The following KMT2C variants were observed in gnomAD, a reference collection of about 807,000 sequenced individuals.
KMT2C encodes lysine methyltransferase 2C.
KMT2C carries 88 observed loss-of-function variants against 507.9 expected under a neutral mutation model. That is an observed-to-expected ratio of 0.17 (90% CI 0.15 to 0.21). The LOEUF (loss-of-function observed/expected upper bound fraction) is 0.21. Ranked by LOEUF, KMT2C falls within the 10% of genes least tolerant of loss-of-function variation. The pLI, the probability that KMT2C is intolerant of heterozygous loss-of-function variation, is 1.00. For synonymous variants in KMT2C, 2,049 were observed against 2,080.8 expected (o/e 0.98, Z 0.42); for missense variants, 4,954 against 5,957.8 (o/e 0.83, Z 5.55).
chr7:152,318,320 G>A (rs1248308787), intron 3 of KMT2C, among the ~76,000 whole-genome samples: 8 of 151,806 alleles, frequency 5.3e-5, no homozygotes, highest in Non-Finnish European at 7.4e-5. Context: ...ACAATTGGGT[G>A]CAGCTGGGTG....
intron 14 of KMT2C, chr7:152,239,055 T>C (rs565344315): frequency 2.6e-6 from 1 of 386,034 alleles, no homozygotes; most frequent in East Asian, 6.2e-5. Flanking sequence ...TTATTCTGCC[T>C]GAGACATCAC....
At chr7:152,252,763 T>C in intron 9 of KMT2C, 48 bp from the exon 10 acceptor site, 1 of 1,368,114 alleles carries the variant, frequency 7.3e-7, no homozygotes, top group South Asian at 1.3e-5. Context: ...TATGCATTTG[T>C]AATTGTAGTT....
Position 152,182,341 on chromosome 7 carries a change from G to C in KMT2C, c.5519C>G (p.Ser1840Cys), listed in dbSNP as rs748485778. Reference protein sequence around the residue: ...FTKQPPSTPTSTSSDDVFVKP... With the variant: ...FTKQPPSTPTCTSSDDVFVKP... ...TACAAACACATCATCTGAAGATGTA[G>C]ACGTAGGGGTACTGGGTGGCTGTTT... The change falls in exon 36 of 59, where the codon TCT becomes TGT. Residue 1840 changes from serine (S) to cysteine (C), a missense_variant. Transcript: ENST00000262189. 12 of 1,614,068 alleles carry C rather than the reference G, an allele frequency of 7.4e-6. No individual in the cohort carries two copies. The highest frequency in any genetic ancestry group is 1.0e-5 in the Non-Finnish European group (12 of 1,179,996).
chr7:152,148,092 A>G lies in KMT2C; in HGVS notation c.13835T>C (p.Val4612Ala). 6.2e-7 allele frequency: 1 copy of G among 1,609,770 alleles called. No homozygotes were observed. Among genetic ancestry groups the G allele is most frequent in the Non-Finnish European group, 8.5e-7 (1 of 1,176,516 alleles). Reference protein sequence around the residue: ...IEEKDGRPVFVIRIVEQGHED... With the variant: ...IEEKDGRPVFAIRIVEQGHED... Reference sequence around the variant, plus strand: ...ATGGCCTTGTTCCACAATCCTGATGACAAACACTGGGCGCCCATCCTTCTC... The same window carrying G: ...ATGGCCTTGTTCCACAATCCTGATGGCAAACACTGGGCGCCCATCCTTCTC... Residue 4612 changes from valine to alanine, a missense_variant, in exon 52 of 59, where the codon GTC (valine) becomes GCC (alanine). Val to Ala is a moderately conservative substitution (Grantham distance 64). Coordinates refer to ENST00000262189, the MANE Select transcript of KMT2C (RefSeq NM_170606.3). This position sits in a 1 kb window ranked among gnomAD's most constrained non-coding sequence, Gnocchi z 7.1.
chr7:152,155,563 T>A (rs536366730), intron 46 of KMT2C, among the ~76,000 whole-genome samples: 1 of 152,290 alleles, frequency 6.6e-6, no homozygotes, highest in African/African-American at 2.4e-5. Flanking sequence ...ACCCAATAAA[T>A]CACATTAATA....
intron 31 of KMT2C, among the ~76,000 whole-genome samples, chr7:152,188,363 C>T (rs377081293): frequency 2.9e-4 from 44 of 151,970 alleles, no homozygotes; most frequent in East Asian, 9.7e-4. Flanking sequence ...TTCTGTAAAC[C>T]GTAGGTATTC....
In KMT2C at chr7:152,326,637, T is replaced by C. The variant is rs556288020; in HGVS notation, c.389+3964A>G. 8.3e-4 allele frequency among the ~76,000 whole-genome samples: 126 copies of C among 152,272 alleles called. 1 individual carries two copies. The highest frequency in any genetic ancestry group is 3.4e-3 in the Middle Eastern group (1 of 294). On this transcript the variant is annotated intron_variant, in intron 3 of 58. Transcript: ENST00000262189. Reference sequence around the variant, plus strand: ...GGCTCACGCCTGTAATCCCAGCACTTTGGGAGGCCGAGATGTGCAGATCAC... The same window carrying C: ...GGCTCACGCCTGTAATCCCAGCACTCTGGGAGGCCGAGATGTGCAGATCAC...
rs1185884051 is a variant in KMT2C at position 152,136,212 on chromosome 7, C to T, written c.*620G>A. On this transcript the variant is annotated 3_prime_UTR_variant, in exon 59 of 59. Transcript: ENST00000262189. ...CTTATTTTACAGAAATCAAAAACTA[C>T]AATAAACTGACTCATGGAATCAAGT... 4.8e-6 allele frequency: 1 copy of T among 210,106 alleles called. No homozygotes were observed. Among genetic ancestry groups the T allele is most frequent in the Non-Finnish European group, 9.7e-6 (1 of 103,218 alleles). The allele number at this position is 210,106 out of a possible 1,614,324, so 13.0% of individuals were successfully genotyped here. A position where few individuals can be genotyped will look rare whatever the true frequency, so the allele number is the denominator to read the frequency against.
rs538966942 is a variant in KMT2C at position 152,135,398 on chromosome 7, GT to G, written c.*1433del. 5.7e-4 allele frequency: 122 copies of G among 215,500 alleles called. No individual in the cohort carries two copies. Among genetic ancestry groups the G allele is most frequent in the Middle Eastern group, 4.5e-3 (3 of 672 alleles). 13.3% of individuals were successfully genotyped at this position (215,500 alleles called of 1,614,324 possible). A position where few individuals can be genotyped will look rare whatever the true frequency, so the allele number is the denominator to read the frequency against. On this transcript the variant is annotated 3_prime_UTR_variant, in exon 59 of 59. Coordinates refer to ENST00000262189, the MANE Select transcript of KMT2C (RefSeq NM_170606.3). ...TTTCTACAAGCAAACACAAAACAGT[GT>G]TTTTTTTATTAAAGAAATGTAAACA...
chr7:152,180,365 G>A (rs1276691619), intron 36 of KMT2C, among the ~76,000 whole-genome samples: 1 of 152,020 alleles, frequency 6.6e-6, no homozygotes, highest in Non-Finnish European at 1.5e-5. Flanking sequence ...ATGTGGCTAT[G>A]GTAATGTTTC....
intron 6 of KMT2C, among the ~76,000 whole-genome samples, chr7:152,289,575 TTATC>T (rs2096370916): frequency 6.6e-6 from 1 of 152,172 alleles, no homozygotes; most frequent in Non-Finnish European, 1.5e-5. Flanking sequence ...TAAAACTTGA[TTATC>T]TAACATATTT....
Position 152,182,225 on chromosome 7 carries a change from G to A in KMT2C, c.5635C>T (p.Pro1879Ser), listed in dbSNP as rs780331157. The A allele has an allele frequency of 3.1e-6, 5 of 1,614,044 alleles. No individual in the cohort carries two copies. The East Asian group carries it at 6.7e-5, about 22-fold the overall frequency. The change falls in exon 36 of 59, where the codon CCG becomes TCG. Residue 1879 changes from proline (P) to serine (S), a missense_variant. This residue lies in a region of KMT2C where 1,689 missense variants were observed against 1,654.3 expected (regional missense o/e 1.02). Transcript: ENST00000262189. ...SQAQTSQPPS[P>S]QVFSPGSSNS... ...GAGGACCCAGGTGAAAACACTTGCG[G>A]TGAGGGTGGCTGAGAAGTCTGAGCC...
chr7:152,220,409 G>C, intron 23 of KMT2C, 114 bp downstream of exon 23: 1 of 820,802 alleles, frequency 1.2e-6, no homozygotes, highest in Non-Finnish European at 2.0e-6. Context: ...TCACATCAGG[G>C]GTTAACTAAG....
intron 12 of KMT2C, among the ~76,000 whole-genome samples, chr7:152,250,572 T>TA (rs1030414185): frequency 1.3e-5 from 2 of 152,190 alleles, no homozygotes; most frequent in African/African-American, 4.8e-5. Flanking sequence ...CAGCTCTACT[T>TA]AGCAACTACA....
At chr7:152,296,167 G>T (rs565243074) in intron 6 of KMT2C, among the ~76,000 whole-genome samples, 3 of 151,262 alleles carry the variant, frequency 2.0e-5, no homozygotes, top group Non-Finnish European at 4.4e-5. Flanking sequence ...GGTGGCTCAC[G>T]CTTATAATCC....
At chr7:152,266,471 C>G (rs1467409910) in intron 7 of KMT2C, among the ~76,000 whole-genome samples, 5 of 152,202 alleles carry the variant, frequency 3.3e-5, no homozygotes, top group African/African-American at 1.2e-4. Flanking sequence ...TCTCAAACTC[C>G]TGAGCTCAAG....
chr7:152,294,177 T>C (rs993171330), intron 6 of KMT2C, among the ~76,000 whole-genome samples: 3 of 152,188 alleles, frequency 2.0e-5, no homozygotes, highest in African/African-American at 7.2e-5. Context: ...GCCACATCAA[T>C]TTTTAAGTAG....
intron 14 of KMT2C, among the ~76,000 whole-genome samples, chr7:152,241,021 C>T (rs1048182139): frequency 1.3e-5 from 2 of 152,198 alleles, no homozygotes; most frequent in Non-Finnish European, 2.9e-5. Context: ...AAAGACAAAC[C>T]TTTCCCAATG....
At chr7:152,199,235 T>C in intron 27 of KMT2C, 44 bp downstream of exon 27, 1 of 1,441,720 alleles carries the variant, frequency 6.9e-7, no homozygotes. Context: ...GGAAGATGTA[T>C]GTTATATGAT....
Sources: allele counts gnomAD v4.1 joint callset (sites outside exome capture counted in the v4.1 genomes callset), GRCh38; gene constraint gnomAD v4.1.1; regional missense constraint gnomAD v4.1.1; non-coding constraint Gnocchi (gnomAD v3.1); transcripts MANE v1.5; gene names NCBI Gene and HGNC (gene_info 2026-07-23, HGNC 2026-07-21).